Variants in UNC93B1 observed in about 807,000 individuals in gnomAD.
The protein encoded by UNC93B1 is protein unc-93 homolog B1.
A neutral mutation model predicts 56.8 loss-of-function variants in UNC93B1; 33 were observed. The ratio of observed to expected loss-of-function variants is 0.58; its 90% confidence interval spans 0.44 to 0.78. The LOEUF (loss-of-function observed/expected upper bound fraction) is 0.78. UNC93B1 is among the 30% of genes least tolerant of loss of function. The probability of loss-of-function intolerance (pLI) is 0.00; values close to 1 mark genes in which losing one functional copy is unlikely to be tolerated. For missense variants in UNC93B1, 673 were observed against 819.5 expected (o/e 0.82, Z 2.18); for synonymous variants, 334 against 358.6 (o/e 0.93, Z 0.77).
chr11:67,992,896 A>T (rs1241036019), intron 10 of UNC93B1, among the ~76,000 whole-genome samples: 1 of 147,258 alleles, frequency 6.8e-6, no homozygotes, highest in Non-Finnish European at 1.5e-5. Flanking sequence ...CGAACTCCAG[A>T]TCTCAGAACC....
Position 67,999,663 on chromosome 11 carries a change from C to T in UNC93B1, c.410G>A (p.Trp137Ter), listed in dbSNP as rs369693897. 1 of 1,611,524 alleles carries T rather than the reference C, an allele frequency of 6.2e-7. No individual in the cohort carries two copies. Among genetic ancestry groups the T allele is most frequent in the Non-Finnish European group, 8.5e-7 (1 of 1,179,002 alleles). The change falls in exon 4 of 11, where the codon TGG (tryptophan) becomes TAG (stop). Residue 137 changes from tryptophan to a stop codon, truncating the protein, a stop_gained. Coordinates refer to ENST00000227471, the MANE Select transcript of UNC93B1 (RefSeq NM_030930.4). LOFTEE classifies it high-confidence loss of function. ...GATGCCCACAGCGAGGAACATCATCCACTTCGTTCCAAAAAACCTGCGGAC... is the reference window on the plus strand; with the variant it reads ...GATGCCCACAGCGAGGAACATCATCTACTTCGTTCCAAAAAACCTGCGGAC... ...PVLIRFFGTK[W>*]MMFLAVGIYA...
Position 68,003,962 on chromosome 11 carries a change from C to G in UNC93B1, c.82G>C (p.Gly28Arg), listed in dbSNP as rs1168890624. 6 of 1,392,616 alleles carry G rather than the reference C, an allele frequency of 4.3e-6. No homozygotes were observed. The highest frequency in any genetic ancestry group is 1.5e-5 in the African/African-American group (1 of 67,060). The allele number at this position is 1,392,616 out of a possible 1,614,324, so 86.3% of individuals were successfully genotyped here. A position where few individuals can be genotyped will look rare whatever the true frequency, so the allele number is the denominator to read the frequency against. ...GDEDLLGVPDGPEAPLDELVG... is the reference protein window; with the variant it reads ...GDEDLLGVPDRPEAPLDELVG... ...TCCCCGCTCACCGGGGCCTCGGGCC[C>G]GTCCGGGACCCCGAGCAGGTCCTCG... Residue 28 changes from glycine to arginine, a missense_variant, in exon 1 of 11, where the codon GGG becomes CGG. Gly to Arg is a moderately radical substitution (Grantham distance 125). Transcript: ENST00000227471. The surrounding 1 kb of genome is among the most constrained non-coding windows in gnomAD (Gnocchi z 4.4).
chr11:67,991,909 C>G, intron 10 of UNC93B1, 52 bp from the exon 11 acceptor site: 1 of 1,515,042 alleles, frequency 6.6e-7, no homozygotes, highest in East Asian at 2.5e-5. Context: ...CGCCCCGCAC[C>G]TTCCCCGCCT....
rs7932 is a variant in UNC93B1, at chr11:67,991,424, G to C, written c.*122C>G. On this transcript the variant is annotated 3_prime_UTR_variant, in exon 11 of 11. Coordinates refer to ENST00000227471, the MANE Select transcript of UNC93B1 (RefSeq NM_030930.4). ...GCTCTGGGAGGGGCGTCCCCAACGT[G>C]GGGGAGGGGAGACAGGGGCCTTTGA... The C allele has an allele frequency of 0.24, 232,838 of 985,758 alleles. 28,686 individuals are homozygous for C. Among genetic ancestry groups the C allele is most frequent in the African/African-American group, 0.35 (20,456 of 57,656 alleles). 61.1% of individuals were successfully genotyped at this position (985,758 alleles called of 1,614,324 possible).
intron 6 of UNC93B1, among the ~76,000 whole-genome samples, chr11:67,998,094 C>G (rs1361822373): frequency 6.6e-6 from 1 of 152,230 alleles, no homozygotes; most frequent in African/African-American, 2.4e-5. Context: ...TGATTGAGCT[C>G]TGACTGTTTG....
chr11:67,997,504 A>T (rs1001362927), intron 7 of UNC93B1, 171 bp downstream of exon 7: 2 of 1,178,118 alleles, frequency 1.7e-6, no homozygotes, highest in Non-Finnish European at 2.3e-6. Flanking sequence ...CCCGCTCTGC[A>T]GCACTCGGCC....
At chr11:67,997,638 G>T (rs1856970902) in intron 7 of UNC93B1, 37 bp downstream of exon 7, 1 of 1,598,072 alleles carries the variant, frequency 6.3e-7, no homozygotes, top group Non-Finnish European at 8.5e-7. Flanking sequence ...ACCACACTCT[G>T]CTTCACTGAC....
At position 67,991,435 on chromosome 11, in the gene UNC93B1, G is replaced by C. The variant is rs1272940106; in HGVS notation, c.*111C>G. 1.5e-5 allele frequency: 16 copies of C among 1,101,002 alleles called. No homozygotes were observed. Among genetic ancestry groups the C allele is most frequent in the Non-Finnish European group, 1.9e-5 (16 of 835,940 alleles). The allele number at this position is 1,101,002 out of a possible 1,614,324, so 68.2% of individuals were successfully genotyped here. On this transcript the variant is annotated 3_prime_UTR_variant, in exon 11 of 11. Coordinates refer to ENST00000227471, the MANE Select transcript of UNC93B1 (RefSeq NM_030930.4). ...GGCGTCCCCAACGTGGGGGAGGGGA[G>C]ACAGGGGCCTTTGAAGACAGCGCGG...
intron 3 of UNC93B1, 134 bp downstream of exon 3, chr11:68,002,888 G>GGAGA (rs1857068678): frequency 8.3e-7 from 1 of 1,205,702 alleles, no homozygotes; most frequent in Non-Finnish European, 1.1e-6. Flanking sequence ...TCAGGCTTCC[G>GGAGA]GGTAGAAAAA....
At chr11:67,995,000 C>T (rs908150734) in intron 9 of UNC93B1, among the ~76,000 whole-genome samples, 3 of 152,204 alleles carry the variant, frequency 2.0e-5, no homozygotes, top group African/African-American at 4.8e-5. Context: ...CAGCCCAGAC[C>T]TGGGGCCTGG....
chr11:67,995,818 C>A lies in UNC93B1; in HGVS notation c.1156G>T (p.Ala386Ser). The change falls in exon 9 of 11, where the codon GCC becomes TCC. Residue 386 changes from alanine to serine, a missense_variant. By Grantham distance (99) the Ala-to-Ser change is moderately conservative. Transcript: ENST00000227471. ...AYLLVAYSLG[A>S]SAASLLGLLG... ...AGGCCCAGGAGTGAGGCGGCTGAGG[C>A]GCCCAGGCTGTAAGCCACGAGGAGG... The A allele has an allele frequency of 1.3e-6, 2 of 1,542,932 alleles. No homozygotes were observed. Among genetic ancestry groups the A allele is most frequent in the Non-Finnish European group, 1.7e-6 (2 of 1,144,882 alleles).
In UNC93B1 at chr11:67,996,750, G is replaced by A; in HGVS notation, c.941C>T (p.Thr314Met). 2 of 1,562,576 alleles carry A rather than the reference G, an allele frequency of 1.3e-6. No homozygotes were observed. The highest frequency in any genetic ancestry group is 1.2e-5 in the South Asian group (1 of 84,834). ...LGLCGAAYRPTEEIDLRSVGW... is the reference protein window; with the variant it reads ...LGLCGAAYRPMEEIDLRSVGW... ...CACGCTGCGCAGATCGATCTCCTCC[G>A]TGGGCCGGTAAGCGGCTCCGCACAA... Residue 314 changes from threonine to methionine, a missense_variant, in exon 8 of 11, where the codon ACG (threonine) becomes ATG (methionine). Around this residue, in one of 3 missense-constraint regions of UNC93B1, gnomAD observed 438 missense variants for 465.9 expected, o/e 0.94. Transcript: ENST00000227471.
chr11:67,995,910 T>C (rs564822337), intron 8 of UNC93B1, 26 bp from the exon 9 acceptor site: 2 of 1,469,378 alleles, frequency 1.4e-6, no homozygotes, highest in Admixed American at 4.7e-5. Context: ...GGGTGAGTGT[T>C]GAAGTCTGGA....
rs535977614 is a variant in UNC93B1 at position 68,003,605 on chromosome 11, G to C, written c.238+52C>G. On this transcript the variant is annotated intron_variant, in intron 2 of 10. Transcript: ENST00000227471. The surrounding 1 kb of genome is among the most constrained non-coding windows in gnomAD (Gnocchi z 4.4). ...CGGCGGCCCGCGGTTTCTGTTTCCC[G>C]GGCCGGGCTGGGAGCGGGCGGGGCG... 14 of 1,484,016 alleles carry C rather than the reference G, an allele frequency of 9.4e-6. No homozygotes were observed. The highest frequency in any genetic ancestry group is 3.8e-5 in the South Asian group (3 of 79,318). The allele number at this position is 1,484,016 out of a possible 1,614,324, so 91.9% of individuals were successfully genotyped here.
chr11:67,992,638 C>A lies in UNC93B1; in HGVS notation c.1483-781G>T, dbSNP rs942951832. The stretch of plus-strand genomic sequence containing the variant: ...CAGGCGTGAGCCACCATGCCCAGCC[C>A]ACTCACTGCTTTTCTTTTTTTTTTT... On this transcript the variant is annotated intron_variant, in intron 10 of 10. Coordinates refer to ENST00000227471, the MANE Select transcript of UNC93B1 (RefSeq NM_030930.4). 2.0e-5 allele frequency among the ~76,000 whole-genome samples: 3 copies of A among 151,252 alleles called. No individual in the cohort carries two copies. The East Asian group carries it at 5.8e-4, about 29-fold the overall frequency.
chr11:68,002,555 G>C (rs57333975), intron 3 of UNC93B1, among the ~76,000 whole-genome samples: 39,040 of 152,016 alleles, frequency 0.26, 5,433 homozygotes, highest in African/African-American at 0.36. Context: ...CCAGGGCTCA[G>C]ATCTGGGGGA....
Position 67,999,063 on chromosome 11 carries a change from A to C in UNC93B1, c.687+110T>G, listed in dbSNP as rs534730366. ...AACATAGTGAGACCAGGCCTCTTAA[A>C]AATAACAATAATAAAAGAAAGAAAG... On this transcript the variant is annotated intron_variant, in intron 5 of 10. Coordinates refer to ENST00000227471, the MANE Select transcript of UNC93B1 (RefSeq NM_030930.4). 1.1e-5 allele frequency: 16 copies of C among 1,501,114 alleles called. No homozygotes were observed. In the East Asian group the frequency reaches 3.5e-4, roughly 32 times the overall value. 93.0% of individuals were successfully genotyped at this position (1,501,114 alleles called of 1,614,324 possible). A position where few individuals can be genotyped will look rare whatever the true frequency, so the allele number is the denominator to read the frequency against.
Position 68,001,542 on chromosome 11 carries a change from G to A in UNC93B1, c.392+1480C>T, listed in dbSNP as rs1448292104. Among the ~76,000 whole-genome samples, 8 of 151,664 alleles carry A rather than the reference G, an allele frequency of 5.3e-5. No homozygotes were observed. In the South Asian group the frequency reaches 1.0e-3, roughly 20 times the overall value. ...CGTGCGCCTGTAGGCCCAGCTACTC[G>A]GGAGGCTGAGGTGGGAGGATTGCTT... is the stretch of plus-strand genomic sequence containing the variant. On this transcript the variant is annotated intron_variant, in intron 3 of 10. Coordinates refer to ENST00000227471, the MANE Select transcript of UNC93B1 (RefSeq NM_030930.4).
At position 67,996,698 on chromosome 11, in the gene UNC93B1, G is replaced by C; in HGVS notation, c.993C>G (p.Pro331=). The C allele has an allele frequency of 6.4e-7, 1 of 1,552,164 alleles. No homozygotes were observed. Residue 331 remains proline (P), a synonymous_variant, in exon 8 of 11, where the codon CCC becomes CCG. Transcript: ENST00000227471. The part of the protein sequence containing the change: ...SVGWGNIFQL[P]FKHVRDYRLR... ...GGCGGTAGTCACGCACGTGCTTGAA[G>C]GGCAGCTGGAAGATGTTGCCCCAGC... is the stretch of plus-strand genomic sequence containing the variant.
Sources: allele counts gnomAD v4.1 joint callset (sites outside exome capture counted in the v4.1 genomes callset), GRCh38; gene constraint gnomAD v4.1.1; regional missense constraint gnomAD v4.1.1; non-coding constraint Gnocchi (gnomAD v3.1); transcripts MANE v1.5; gene names NCBI Gene and HGNC (gene_info 2026-07-23, HGNC 2026-07-21).